The following TSPAN32 variants were observed in gnomAD, a reference collection of about 807,000 sequenced individuals.
TSPAN32 encodes tetraspanin-32.
TSPAN32 carries 47 observed loss-of-function variants against 42.7 expected under a neutral mutation model. The observed-to-expected ratio is 1.10, with a 90% CI of 0.87 to 1.40. The LOEUF (loss-of-function observed/expected upper bound fraction) is 1.40, where lower values mean the gene tolerates loss of function less well. Ranked by LOEUF, TSPAN32 falls within the 40% of genes most tolerant of loss-of-function variation. The probability of loss-of-function intolerance (pLI) is 0.00; values close to 1 mark genes in which losing one functional copy is unlikely to be tolerated. For missense variants in TSPAN32, 469 were observed against 424.1 expected (o/e 1.11, Z -0.93); for synonymous variants, 175 against 175.9 (o/e 0.99, Z 0.04).
chr11:2,314,890 A>G (rs1848687200), intron 6 of TSPAN32: 1 of 401,024 alleles, frequency 2.5e-6, no homozygotes, highest in East Asian at 5.4e-5. Flanking sequence ...AGGCCAGCTA[A>G]GTCCACAGAA....
intron 4 of TSPAN32, among the ~76,000 whole-genome samples, chr11:2,312,691 T>C (rs1848532959): frequency 6.6e-6 from 1 of 152,196 alleles, no homozygotes; most frequent in Admixed American, 6.5e-5. Flanking sequence ...TAAGCCACCC[T>C]TCCTTTCTGG....
chr11:2,308,202 G>A (rs776640474), intron 3 of TSPAN32, among the ~76,000 whole-genome samples: 3 of 152,102 alleles, frequency 2.0e-5, no homozygotes, highest in Non-Finnish European at 4.4e-5. Context: ...CAGGGGAAGG[G>A]GATGGGAAGG....
At chr11:2,306,837 G>C (rs1456885776) in intron 3 of TSPAN32, 1 of 8,118 alleles carries the variant, frequency 1.2e-4, no homozygotes, top group African/African-American at 2.2e-4. Flanking sequence ...GGGAGAGGGG[G>C]AGGGAGAGGG....
At chr11:2,314,439 G>C in intron 5 of TSPAN32, 46 bp from the exon 6 acceptor site, 1 of 1,507,876 alleles carries the variant, frequency 6.6e-7, no homozygotes, top group Non-Finnish European at 9.1e-7. Flanking sequence ...CCCGCCTCCT[G>C]GGGTCTCGGG....
rs1440418666 is a variant in TSPAN32 at position 2,316,432 on chromosome 11, C to G, written c.627+120C>G. On this transcript the variant is annotated intron_variant, in intron 7 of 9. Transcript: ENST00000182290. ...CTCTGGTCTTGAGCCTCACTGGCTG[C>G]CAACCTCAGGGAGCTGCTCTGGTGT... 1.9e-6 allele frequency: 3 copies of G among 1,547,434 alleles called. No homozygotes were observed. In the African/African-American group the frequency reaches 4.1e-5, roughly 21 times the overall value.
intron 4 of TSPAN32, among the ~76,000 whole-genome samples, chr11:2,311,842 G>A (rs1200182451): frequency 6.6e-6 from 1 of 152,236 alleles, no homozygotes; most frequent in Non-Finnish European, 1.5e-5. Flanking sequence ...AGCCCCCAGA[G>A]CCTGGAATGG....
rs1427025060 is a variant in TSPAN32, at chr11:2,314,381, G to A, written c.457-104G>A. On this transcript the variant is annotated intron_variant, in intron 5 of 9. Transcript: ENST00000182290. ...AGTAGCCCCAGCCCTGGCCTGCAGGGAACCCCACCTGGATACTTGTGGTGC... is the reference window on the plus strand; with the variant it reads ...AGTAGCCCCAGCCCTGGCCTGCAGGAAACCCCACCTGGATACTTGTGGTGC... 1.1e-4 allele frequency: 103 copies of A among 923,554 alleles called. 1 individual carries two copies. Among genetic ancestry groups the A allele is most frequent in the South Asian group, 9.9e-4 (70 of 70,994 alleles). 57.2% of individuals were successfully genotyped at this position (923,554 alleles called of 1,614,324 possible). A position where few individuals can be genotyped will look rare whatever the true frequency, so the allele number is the denominator to read the frequency against.
At position 2,304,148 on chromosome 11, in the gene TSPAN32, G is replaced by A. The variant is rs200631781; in HGVS notation, c.223G>A (p.Gly75Arg). 24 of 1,590,216 alleles carry A rather than the reference G, an allele frequency of 1.5e-5. No homozygotes were observed. The highest frequency in any genetic ancestry group is 2.1e-5 in the Non-Finnish European group (24 of 1,168,544). ...GAGCCTGGTGGGCCTCCTGACTCTGGGAGCCGTGCTGAGCGCTGCAGCCAC... is the reference window on the plus strand; with the variant it reads ...GAGCCTGGTGGGCCTCCTGACTCTGAGAGCCGTGCTGAGCGCTGCAGCCAC... ...GLSLVGLLTLGAVLSAAATVR... is the reference protein window; with the variant it reads ...GLSLVGLLTLRAVLSAAATVR... Residue 75 changes from glycine to arginine, a missense_variant, in exon 3 of 10, where the codon GGA becomes AGA. Coordinates refer to ENST00000182290, the MANE Select transcript of TSPAN32 (RefSeq NM_139022.3). The surrounding 1 kb of genome is among the most constrained non-coding windows in gnomAD (Gnocchi z 4.8).
intron 3 of TSPAN32, among the ~76,000 whole-genome samples, chr11:2,305,004 G>A (rs1227737585): frequency 6.6e-6 from 1 of 152,226 alleles, no homozygotes; most frequent in Non-Finnish European, 1.5e-5. Flanking sequence ...TGTGCTGGGG[G>A]CTTTGCTTCC....
At chr11:2,315,633 C>T (rs1003586241) in intron 6 of TSPAN32, 2 of 1,186,260 alleles carry the variant, frequency 1.7e-6, no homozygotes, top group East Asian at 5.9e-5. Context: ...GAGGGTGAGC[C>T]CTGAGACCCT....
In TSPAN32 at chr11:2,317,402, A is replaced by C. The variant is rs1564969653; in HGVS notation, c.778A>C (p.Thr260Pro). Residue 260 changes from threonine to proline, a missense_variant, in exon 9 of 10, where the codon ACA becomes CCA. Coordinates refer to ENST00000182290, the MANE Select transcript of TSPAN32 (RefSeq NM_139022.3). The surrounding 1 kb of genome is among the most constrained non-coding windows in gnomAD (Gnocchi z 6.2). ...SLLRCSQGGPTHCLHSEAVAI... is the reference protein window; with the variant it reads ...SLLRCSQGGPPHCLHSEAVAI... ...CTTGAGATGCTCCCAGGGTGGACCC[A>C]CACATTGTCTCCACTCCGAAGCAGT... 2.5e-6 allele frequency: 4 copies of C among 1,600,804 alleles called. No homozygotes were observed. The highest frequency in any genetic ancestry group is 3.4e-6 in the Non-Finnish European group (4 of 1,173,780).
intron 6 of TSPAN32, chr11:2,315,041 C>A: frequency 3.1e-6 from 1 of 321,394 alleles, no homozygotes; most frequent in Non-Finnish European, 5.7e-6. Context: ...AGAAGTAGGC[C>A]AGGGTGTGGC....
Position 2,313,546 on chromosome 11 carries a change from C to A in TSPAN32, c.355-108C>A. 1.2e-6 allele frequency: 1 copy of A among 810,074 alleles called. No homozygotes were observed. The highest frequency in any genetic ancestry group is 2.0e-6 in the Non-Finnish European group (1 of 509,634). 50.2% of individuals were successfully genotyped at this position (810,074 alleles called of 1,614,324 possible). On this transcript the variant is annotated intron_variant, in intron 4 of 9. Coordinates refer to ENST00000182290, the MANE Select transcript of TSPAN32 (RefSeq NM_139022.3). This position sits in a 1 kb window ranked among gnomAD's most constrained non-coding sequence, Gnocchi z 9.1. The stretch of plus-strand genomic sequence containing the variant: ...TGCTACAAGGAGGGCAGTGCTGGGA[C>A]GTCACTCAGCACTAAGGGCCCACTA...
At position 2,317,845 on chromosome 11, in the gene TSPAN32, C is replaced by G; in HGVS notation, c.902-18C>G. Reference sequence around the variant, plus strand: ...TGGATGTAAGGACTGCAAGCAGTGCCCATTTATGATCTCGCAGCTCTCCAG... The same window carrying G: ...TGGATGTAAGGACTGCAAGCAGTGCGCATTTATGATCTCGCAGCTCTCCAG... On this transcript the variant is annotated intron_variant, in intron 9 of 9. Coordinates refer to ENST00000182290, the MANE Select transcript of TSPAN32 (RefSeq NM_139022.3). This position sits in a 1 kb window ranked among gnomAD's most constrained non-coding sequence, Gnocchi z 6.2. 6.3e-7 allele frequency: 1 copy of G among 1,592,368 alleles called. No individual in the cohort carries two copies. Among genetic ancestry groups the G allele is most frequent in the East Asian group, 2.2e-5 (1 of 44,764 alleles).
rs575757473 is a variant in TSPAN32, at chr11:2,302,827, G to A, written c.67-17G>A. ...AGCAGTCCCATGCCCCACACTCTGA[G>A]TCTGCCCTATCCACAGCTGCTGGGC... On this transcript the variant is annotated splice_polypyrimidine_tract_variant and intron_variant, in intron 1 of 9. Coordinates refer to ENST00000182290, the MANE Select transcript of TSPAN32 (RefSeq NM_139022.3). 3.7e-6 allele frequency: 6 copies of A among 1,609,288 alleles called. No homozygotes were observed. The South Asian group carries it at 5.5e-5, about 15-fold the overall frequency.
At chr11:2,310,005 G>C (rs1366601764) in intron 4 of TSPAN32, 5 of 152,676 alleles carry the variant, frequency 3.3e-5, no homozygotes, top group Non-Finnish European at 7.3e-5. Context: ...AAGGATCCCA[G>C]AGGGGCTGAG....
intron 5 of TSPAN32, 147 bp from the exon 6 acceptor site, chr11:2,314,338 A>T: frequency 1.4e-6 from 1 of 705,376 alleles, no homozygotes. Context: ...GAGCCCCAGC[A>T]GAAGCAGCTG....
intron 5 of TSPAN32, 114 bp from the exon 6 acceptor site, chr11:2,314,371 G>C (rs1407671000): frequency 1.2e-6 from 1 of 830,256 alleles, no homozygotes; most frequent in African/African-American, 1.7e-5. Context: ...CCCCAGCCCT[G>C]GCCTGCAGGG....
rs781469479 is a variant in TSPAN32 at position 2,316,676 on chromosome 11, C to T, written c.719+9C>T. 1.3e-6 allele frequency: 2 copies of T among 1,520,310 alleles called. No homozygotes were observed. Among genetic ancestry groups the T allele is most frequent in the African/African-American group, 1.4e-5 (1 of 72,070 alleles). The allele number at this position is 1,520,310 out of a possible 1,614,324, so 94.2% of individuals were successfully genotyped here. A position where few individuals can be genotyped will look rare whatever the true frequency, so the allele number is the denominator to read the frequency against. ...TACACCCTGACCCCACGGTAGGGCC[C>T]CCTGCCTGCCCCCACACCCTCTGGA... On this transcript the variant is annotated intron_variant, in intron 8 of 9. Coordinates refer to ENST00000182290, the MANE Select transcript of TSPAN32 (RefSeq NM_139022.3).
Sources: gnomAD v4.1 joint callset for allele counts (sites outside exome capture counted in the v4.1 genomes callset) on GRCh38, gnomAD v4.1.1 for gene constraint, Gnocchi (gnomAD v3.1) non-coding constraint, MANE v1.5 for transcripts, NCBI Gene and HGNC (gene_info 2026-07-23, HGNC 2026-07-21) for gene names.